CALN1: variants seen among roughly 807,000 people sequenced by gnomAD.
CALN1 encodes the protein calcium-binding protein 8.
CALN1 carries 17 observed loss-of-function variants against 30.6 expected under a neutral mutation model. The observed-to-expected ratio is 0.56, with a 90% CI of 0.38 to 0.83. CALN1 has a LOEUF of 0.83. Among genes scored for constraint, CALN1 ranks in the 40% least tolerant of loss-of-function variants. CALN1 has a pLI of 0.00. For synonymous variants in CALN1, 156 were observed against 131.4 expected (o/e 1.19, Z -1.28); for missense variants, 291 against 354.9 (o/e 0.82, Z 1.45).
chr7:72,220,904 T>C (rs1223595155), intron 3 of CALN1, among the ~76,000 whole-genome samples: 1 of 152,174 alleles, frequency 6.6e-6, no homozygotes, highest in Non-Finnish European at 1.5e-5. Context: ...GTTTTTTTCT[T>C]GTAAATTTGT....
chr7:72,255,292 C>T (rs1795837906), intron 3 of CALN1, among the ~76,000 whole-genome samples: 1 of 151,926 alleles, frequency 6.6e-6, no homozygotes, highest in Admixed American at 6.6e-5. Context: ...AGGGTTTCAC[C>T]ACGTTAGCCA....
intron 2 of CALN1, among the ~76,000 whole-genome samples, chr7:72,374,886 G>C (rs1305819819): frequency 1.3e-5 from 2 of 152,090 alleles, no homozygotes; most frequent in African/African-American, 4.8e-5. Context: ...AATTTTACCT[G>C]AATACTACTG....
chr7:72,151,732 G>A (rs897717806), intron 3 of CALN1, among the ~76,000 whole-genome samples: 1 of 152,006 alleles, frequency 6.6e-6, no homozygotes, highest in Non-Finnish European at 1.5e-5. Flanking sequence ...TGTTGTTAGA[G>A]ACAGGGTCTC....
intron 3 of CALN1, among the ~76,000 whole-genome samples, chr7:72,242,223 G>T (rs901798710): frequency 6.6e-6 from 1 of 152,106 alleles, no homozygotes; most frequent in Non-Finnish European, 1.5e-5. Flanking sequence ...TCCTTTTTAA[G>T]GCTGAATAAT....
intron 5 of CALN1, among the ~76,000 whole-genome samples, chr7:71,939,021 G>A (rs961537175): frequency 6.6e-6 from 1 of 152,094 alleles, no homozygotes; most frequent in African/African-American, 2.4e-5. Flanking sequence ...CCAAAATGGA[G>A]TCCTGGAAGA....
chr7:71,989,796 T>C (rs1798855391), intron 5 of CALN1, among the ~76,000 whole-genome samples: 1 of 152,062 alleles, frequency 6.6e-6, no homozygotes, highest in South Asian at 2.1e-4. Flanking sequence ...GATGGTGCTT[T>C]AACACAGCTT....
intron 5 of CALN1, among the ~76,000 whole-genome samples, chr7:72,003,684 G>A (rs1562968976): frequency 6.6e-6 from 1 of 152,276 alleles, no homozygotes; most frequent in East Asian, 1.9e-4. Context: ...ACCCTTAGAT[G>A]GGACTGTCTA....
intron 3 of CALN1, among the ~76,000 whole-genome samples, chr7:72,130,971 C>G (rs886338714): frequency 1.3e-5 from 2 of 152,320 alleles, no homozygotes; most frequent in Admixed American, 6.5e-5. Flanking sequence ...AAGTAACCCA[C>G]TAATTCCTAG....
rs973885699 is a variant in CALN1 at position 72,048,712 on chromosome 7, T to C, written c.389-24943A>G. On this transcript the variant is annotated intron_variant, in intron 4 of 6. Coordinates refer to ENST00000395275, the MANE Select transcript of CALN1 (RefSeq NM_031468.4). ...CTCCCCTTCTTCCTCCCTTCTTTCC[T>C]TTTTCCCTCTTCTTTCCTTCCTTTC... 1.1e-4 allele frequency among the ~76,000 whole-genome samples: 17 copies of C among 150,920 alleles called. No homozygotes were observed. The East Asian group carries it at 2.1e-3, about 19-fold the overall frequency.
chr7:72,017,592 G>C (rs900114896), intron 5 of CALN1, among the ~76,000 whole-genome samples: 1 of 152,134 alleles, frequency 6.6e-6, no homozygotes, highest in Non-Finnish European at 1.5e-5. Context: ...TTGCCCAAAA[G>C]TCCTGAGCAT....
At chr7:72,269,715 C>A (rs1283776020) in intron 3 of CALN1, among the ~76,000 whole-genome samples, 2 of 152,134 alleles carry the variant, frequency 1.3e-5, no homozygotes, top group African/African-American at 4.8e-5. Context: ...CAAAAATCAG[C>A]ACTCTTCAGA....
At chr7:72,227,203 G>A (rs1348213719) in intron 3 of CALN1, among the ~76,000 whole-genome samples, 2 of 149,414 alleles carry the variant, frequency 1.3e-5, no homozygotes, top group Non-Finnish European at 3.0e-5. Flanking sequence ...TAACAAATCT[G>A]CACAGTACCC....
At chr7:72,335,973 C>T (rs959207304) in intron 2 of CALN1, among the ~76,000 whole-genome samples, 1 of 152,202 alleles carries the variant, frequency 6.6e-6, no homozygotes, top group Non-Finnish European at 1.5e-5. Flanking sequence ...AACTAGGAAC[C>T]CGAGTAAACC....
At chr7:71,979,425 T>A (rs1798273666) in intron 5 of CALN1, among the ~76,000 whole-genome samples, 1 of 152,128 alleles carries the variant, frequency 6.6e-6, no homozygotes, top group Non-Finnish European at 1.5e-5. Flanking sequence ...TCATCAGGCA[T>A]TAGATTCTCA....
chr7:72,497,040 C>T, the CALN1 span, among the ~76,000 whole-genome samples: 23 of 152,070 alleles, frequency 1.5e-4, no homozygotes, highest in Non-Finnish European at 2.6e-4. Flanking sequence ...TGAATTTTAA[C>T]GTCTGTGCAT....
intron 3 of CALN1, among the ~76,000 whole-genome samples, chr7:72,132,692 G>A (rs1472607883): frequency 6.6e-6 from 1 of 152,118 alleles, no homozygotes; most frequent in Non-Finnish European, 1.5e-5. Context: ...ATATGCTACT[G>A]GAGTGTGTTA....
At chr7:72,345,470 G>C (rs1236828915) in intron 2 of CALN1, among the ~76,000 whole-genome samples, 4 of 148,140 alleles carry the variant, frequency 2.7e-5, no homozygotes, top group African/African-American at 9.9e-5. Flanking sequence ...AAAAGAAAGA[G>C]AGGGAAGGGA....
intron 3 of CALN1, among the ~76,000 whole-genome samples, chr7:72,192,652 AT>A (rs1323221540): frequency 3.8e-5 from 4 of 106,096 alleles, no homozygotes; most frequent in African/African-American, 1.2e-4. Flanking sequence ...TATTATTATT[AT>A]TATTATTATT....
chr7:72,473,713 A>G, the CALN1 span, among the ~76,000 whole-genome samples: 1 of 152,092 alleles, frequency 6.6e-6, no homozygotes, highest in Non-Finnish European at 1.5e-5. Context: ...CAGGCGGATC[A>G]CCTAAGGTCA....
Sources: allele counts gnomAD v4.1 joint callset (sites outside exome capture counted in the v4.1 genomes callset), GRCh38; gene constraint gnomAD v4.1.1; transcripts MANE v1.5; gene names NCBI Gene and HGNC (gene_info 2026-07-23, HGNC 2026-07-21).